Variants in DZANK1 observed in about 807,000 individuals in gnomAD.
DZANK1 encodes double zinc ribbon and ankyrin repeat-containing protein 1.
In DZANK1, 91 loss-of-function variants were observed where a neutral mutation model predicts 94.5. The observed-to-expected ratio is 0.96, with a 90% CI of 0.81 to 1.15. The LOEUF (loss-of-function observed/expected upper bound fraction) is 1.15, where lower values mean the gene tolerates loss of function less well. DZANK1 is among the 50% of genes most tolerant of loss of function. The probability of loss-of-function intolerance (pLI) is 0.00; values close to 1 mark genes in which losing one functional copy is unlikely to be tolerated. For synonymous variants in DZANK1, 312 were observed against 325.3 expected, an observed-to-expected ratio of 0.96 and a Z score of 0.44; for missense variants, 903 against 916.4, an observed-to-expected ratio of 0.99 and a Z score of 0.19.
At chr20:18,445,364 GAATA>G (rs775616004) in intron 7 of DZANK1, among the ~76,000 whole-genome samples, 16 of 152,230 alleles carry the variant, frequency 1.1e-4, no homozygotes, top group Non-Finnish European at 2.1e-4. Flanking sequence ...TGAAATGCAA[GAATA>G]AATAGGCAAA....
intron 13 of DZANK1, 75 bp from the exon 14 acceptor site, chr20:18,398,701 T>C (rs2056501543): frequency 7.1e-7 from 1 of 1,408,294 alleles, no homozygotes. Flanking sequence ...GCATGGAACA[T>C]ATGTTCTTAG....
intron 7 of DZANK1, among the ~76,000 whole-genome samples, chr20:18,446,270 G>T (rs1568996210): frequency 6.6e-6 from 1 of 151,990 alleles, no homozygotes; most frequent in Non-Finnish European, 1.5e-5. Flanking sequence ...CGAAAGGAAG[G>T]AAGGAAAGAA....
intron 8 of DZANK1, 75 bp downstream of exon 8, chr20:18,443,272 C>A: frequency 1.0e-6 from 1 of 978,828 alleles, no homozygotes; most frequent in Non-Finnish European, 1.6e-6. Flanking sequence ...TCATGTGTAC[C>A]AAGCACTGTG....
intron 13 of DZANK1, among the ~76,000 whole-genome samples, chr20:18,400,018 A>G (rs936226483): frequency 4.6e-5 from 7 of 152,322 alleles, no homozygotes; most frequent in African/African-American, 1.7e-4. Context: ...TCCTAAATCT[A>G]CCATTTATTA....
At chr20:18,394,467 G>T in intron 15 of DZANK1, 117 bp from the exon 16 acceptor site, 1 of 997,956 alleles carries the variant, frequency 1.0e-6, no homozygotes, top group Non-Finnish European at 1.5e-6. Context: ...CCTACCCAGA[G>T]AGTGGAGCCT....
At chr20:18,427,117 G>A in exon 10 of DZANK1, 1 of 1,613,148 alleles carries the variant, frequency 6.2e-7, no homozygotes, top group South Asian at 1.1e-5. Context: ...TATCTCAGGT[G>A]AGCAGGATTT....
In DZANK1 at chr20:18,436,140, T is replaced by C. The variant is rs139530259; in HGVS notation, c.748-2375A>G. ...TTTCAAAGCAGCTATTTTTAAAAAA[T>C]GTTCAAAGAACTAAAGGAAACCACA... On this transcript the variant is annotated intron_variant, in intron 8 of 20. Transcript: ENST00000262547. Among the ~76,000 whole-genome samples, 723 of 152,220 alleles carry C rather than the reference T, an allele frequency of 4.7e-3. 8 individuals are homozygous for C. The highest frequency in any genetic ancestry group is 0.017 in the African/African-American group (694 of 41,546).
At chr20:18,423,844 A>G (rs1360958136) in intron 10 of DZANK1, among the ~76,000 whole-genome samples, 1 of 152,152 alleles carries the variant, frequency 6.6e-6, no homozygotes, top group Admixed American at 6.6e-5. Flanking sequence ...GAAAAATTTG[A>G]AATGAATAAT....
In DZANK1 at chr20:18,412,836, C is replaced by T. The variant is rs1731969223; in HGVS notation, c.1243-1G>A. ...ATCTGGGCAAAGGAATATTCAGGGA[C>T]TGCCAGGCACATCGGGGCCATGCGT... On this transcript the variant is annotated splice_acceptor_variant, in intron 12 of 20. Coordinates refer to ENST00000262547, the Ensembl canonical transcript of DZANK1. LOFTEE classifies it high-confidence loss of function. 2 of 1,613,944 alleles carry T rather than the reference C, an allele frequency of 1.2e-6. No homozygotes were observed. The highest frequency in any genetic ancestry group is 1.7e-6 in the Non-Finnish European group (2 of 1,179,858).
chr20:18,425,422 G>A (rs2057994908), intron 10 of DZANK1, among the ~76,000 whole-genome samples: 1 of 152,024 alleles, frequency 6.6e-6, no homozygotes, highest in South Asian at 2.1e-4. Flanking sequence ...GTGATGGCAT[G>A]TGCCTGTAAT....
At chr20:18,427,619 G>T (rs1433054989) in intron 9 of DZANK1, among the ~76,000 whole-genome samples, 1 of 151,930 alleles carries the variant, frequency 6.6e-6, no homozygotes, top group Non-Finnish European at 1.5e-5. Flanking sequence ...GTGTGTGTGT[G>T]TGTGTGTGTG....
chr20:18,460,043 C>T lies in DZANK1; in HGVS notation c.263+110G>A, dbSNP rs1004100677. 27 of 795,518 alleles carry T rather than the reference C, an allele frequency of 3.4e-5. No individual in the cohort carries two copies. The African/African-American group carries it at 4.2e-4, about 12-fold the overall frequency. 49.3% of individuals were successfully genotyped at this position (795,518 alleles called of 1,614,324 possible). A position where few individuals can be genotyped will look rare whatever the true frequency, so the allele number is the denominator to read the frequency against. On this transcript the variant is annotated intron_variant, in intron 3 of 20. Coordinates refer to ENST00000262547, the Ensembl canonical transcript of DZANK1. ...ATATGCTGAAATTAAAATAATGTTT[C>T]AGTAGTGTCCTTCTAATGCAGCACT... is the stretch of plus-strand genomic sequence containing the variant.
intron 19 of DZANK1, among the ~76,000 whole-genome samples, chr20:18,387,646 C>T (rs957940687): frequency 2.6e-5 from 4 of 152,196 alleles, no homozygotes; most frequent in Non-Finnish European, 5.9e-5. Flanking sequence ...GATCCTGAGC[C>T]TGTGTTTCTG....
intron 13 of DZANK1, among the ~76,000 whole-genome samples, chr20:18,406,564 G>A (rs891278667): frequency 1.3e-5 from 2 of 152,250 alleles, no homozygotes; most frequent in Non-Finnish European, 2.9e-5. Flanking sequence ...GGAGTATGCT[G>A]TGGGCCTTGT....
chr20:18,395,991 GATTA>G (rs1320148250), intron 15 of DZANK1, among the ~76,000 whole-genome samples: 2 of 152,236 alleles, frequency 1.3e-5, no homozygotes, highest in East Asian at 1.9e-4. Flanking sequence ...TCAATTGATT[GATTA>G]ATTATTCTGA....
chr20:18,453,814 C>A (rs777697751), exon 5 of DZANK1: 1 of 1,599,440 alleles, frequency 6.3e-7, no homozygotes, highest in Non-Finnish European at 8.6e-7. Flanking sequence ...TCCAACAAAT[C>A]CATTTTTGAA....
chr20:18,452,929 C>G (rs914408353), intron 5 of DZANK1, among the ~76,000 whole-genome samples, 190 bp from the exon 6 acceptor site: 40 of 152,164 alleles, frequency 2.6e-4, no homozygotes, highest in Admixed American at 1.6e-3. Flanking sequence ...AAAAAACAAG[C>G]CCAGACTGAG....
At chr20:18,421,822 A>C (rs1235564377) in intron 10 of DZANK1, among the ~76,000 whole-genome samples, 7 of 152,202 alleles carry the variant, frequency 4.6e-5, no homozygotes. Flanking sequence ...ATCTGGCCCC[A>C]GAGCACAGCA....
intron 13 of DZANK1, among the ~76,000 whole-genome samples, chr20:18,402,565 A>C (rs1568901515): frequency 1.3e-5 from 2 of 152,114 alleles, no homozygotes; most frequent in Admixed American, 6.5e-5. Flanking sequence ...TCAGGGTAGA[A>C]GTAATGCAAA....
Sources: allele counts gnomAD v4.1 joint callset (sites outside exome capture counted in the v4.1 genomes callset), GRCh38; gene constraint gnomAD v4.1.1; transcripts MANE v1.5; gene names NCBI Gene and HGNC (gene_info 2026-07-23, HGNC 2026-07-21).